The following FRMD4A variants were observed in gnomAD, a reference collection of about 807,000 sequenced individuals.
FRMD4A encodes the protein FERM domain-containing protein 4A.
In FRMD4A, 29 loss-of-function variants were observed where a neutral mutation model predicts 129.1. The ratio of observed to expected loss-of-function variants is 0.22; its 90% CI spans 0.17 to 0.31. The LOEUF is 0.31. Ranked by LOEUF, FRMD4A falls within the 10% of genes least tolerant of loss-of-function variation. FRMD4A has a pLI of 1.00. For missense variants in FRMD4A, 1,272 were observed against 1,375.8 expected (o/e 0.92, Z 1.19); for synonymous variants, 634 against 571.6 (o/e 1.11, Z -1.56).
intron 2 of FRMD4A, among the ~76,000 whole-genome samples, chr10:14,320,895 C>T (rs182637252): frequency 2.6e-5 from 4 of 152,356 alleles, no homozygotes; most frequent in East Asian, 1.9e-4. Flanking sequence ...ACTTTTCACC[C>T]TTGCCTGCTT....
At position 13,972,400 on chromosome 10, in the gene FRMD4A, C is replaced by T. The variant is rs560373082; in HGVS notation, c.46-113488G>A. 17 of 811,718 alleles carry T rather than the reference C, an allele frequency of 2.1e-5. No individual in the cohort carries two copies. The South Asian group carries it at 7.9e-4, about 38-fold the overall frequency. The allele number at this position is 811,718 out of a possible 1,614,324, so 50.3% of individuals were successfully genotyped here. A position where few individuals can be genotyped will look rare whatever the true frequency, so the allele number is the denominator to read the frequency against. On this transcript the variant is annotated intron_variant, in intron 2 of 24. Coordinates refer to ENST00000357447, the MANE Select transcript of FRMD4A (RefSeq NM_018027.5). ...TTTCTGTGGGCAATTTGTAAGAAGC[C>T]AGGCATTTTCTTTGGAAGCGTCCCA...
rs1555021803 is a variant in FRMD4A at position 14,039,399 on chromosome 10, C to CTATCTATCTATCTATCTATCT, written c.46-180488_46-180487insAGATAGATAGATAGATAGATA. ...CCATCCATCCATCCATCCATCCATC[C>CTATCTATCTATCTATCTATCT]ATCCATCCATCTATCTATCTATCTA... On this transcript the variant is annotated intron_variant, in intron 2 of 24. Transcript: ENST00000357447. Among the ~76,000 whole-genome samples the CTATCTATCTATCTATCTATCT allele has an allele frequency of 1.1e-4, 16 of 143,222 alleles. 1 individual carries two copies. The highest frequency in any genetic ancestry group is 5.9e-4 in the East Asian group (3 of 5,084). 94.0% of individuals were successfully genotyped at this position (143,222 alleles called of 152,430 possible).
chr10:14,131,367 T>A (rs2131828290), intron 2 of FRMD4A, among the ~76,000 whole-genome samples: 1 of 151,898 alleles, frequency 6.6e-6, no homozygotes, highest in African/African-American at 2.4e-5. Flanking sequence ...ACCTTCCGGC[T>A]GCTTTAGCTC....
At chr10:13,920,884 G>A (rs137886604) in intron 2 of FRMD4A, among the ~76,000 whole-genome samples, 1 of 152,114 alleles carries the variant, frequency 6.6e-6, no homozygotes, top group Admixed American at 6.6e-5. Context: ...CAATAGTAGG[G>A]TGGTAACTAA....
chr10:13,779,020 TA>T (rs1218527798), intron 6 of FRMD4A, among the ~76,000 whole-genome samples: 31 of 152,214 alleles, frequency 2.0e-4, no homozygotes, highest in African/African-American at 7.5e-4. Context: ...TTTATTTATT[TA>T]TTTAAAAAAA....
intron 6 of FRMD4A, among the ~76,000 whole-genome samples, chr10:13,777,681 T>G (rs1404561202): frequency 6.6e-6 from 1 of 151,908 alleles, no homozygotes; most frequent in East Asian, 1.9e-4. Context: ...GTCCTAGGCG[T>G]GCATGATGTT....
intron 2 of FRMD4A, among the ~76,000 whole-genome samples, chr10:13,978,166 A>G (rs2095548544): frequency 6.6e-6 from 1 of 152,154 alleles, no homozygotes; most frequent in Non-Finnish European, 1.5e-5. Flanking sequence ...GTTTCTGATT[A>G]CAGCCATCCT....
At chr10:13,831,169 C>T (rs1002473828) in intron 3 of FRMD4A, among the ~76,000 whole-genome samples, 2 of 152,196 alleles carry the variant, frequency 1.3e-5, no homozygotes, top group East Asian at 1.9e-4. Context: ...AGAGGCAGGA[C>T]GCTCACTTCT....
chr10:13,924,330 T>A (rs1227497396), intron 2 of FRMD4A, among the ~76,000 whole-genome samples: 1 of 152,148 alleles, frequency 6.6e-6, no homozygotes, highest in Non-Finnish European at 1.5e-5. Flanking sequence ...CCAAAGTGCA[T>A]GGGCCAGCCT....
intron 2 of FRMD4A, among the ~76,000 whole-genome samples, chr10:14,266,471 G>A (rs1446143037): frequency 9.2e-5 from 14 of 151,746 alleles, no homozygotes. Context: ...TTCATTTGAT[G>A]CTTAGGATCC....
At chr10:13,969,234 A>G (rs927077192) in intron 2 of FRMD4A, among the ~76,000 whole-genome samples, 3 of 152,212 alleles carry the variant, frequency 2.0e-5, no homozygotes, top group African/African-American at 7.2e-5. Flanking sequence ...GCTGCCTTCC[A>G]GACCCACCCA....
At chr10:13,784,935 G>A (rs954573019) in intron 5 of FRMD4A, among the ~76,000 whole-genome samples, 2 of 148,836 alleles carry the variant, frequency 1.3e-5, no homozygotes, top group Non-Finnish European at 1.5e-5. Flanking sequence ...AGGTTGCAGC[G>A]AGCCGAGATG....
intron 2 of FRMD4A, among the ~76,000 whole-genome samples, chr10:14,062,024 A>G (rs1235633447): frequency 1.3e-5 from 2 of 152,208 alleles, no homozygotes; most frequent in East Asian, 1.9e-4. Flanking sequence ...CAAAATGTGC[A>G]TACCCTTGGA....
intron 15 of FRMD4A, chr10:13,684,379 T>C (rs1169848601): frequency 1.0e-6 from 1 of 985,032 alleles, no homozygotes; most frequent in Admixed American, 6.2e-5. Flanking sequence ...AACTTCCCGA[T>C]GCTATGAACA....
intron 17 of FRMD4A, among the ~76,000 whole-genome samples, chr10:13,669,783 T>C (rs2083368558): frequency 1.3e-5 from 2 of 152,222 alleles, no homozygotes; most frequent in African/African-American, 4.8e-5. Context: ...TTTGTTTGTT[T>C]GTTTGTTTGT....
intron 12 of FRMD4A, among the ~76,000 whole-genome samples, chr10:13,727,229 T>C (rs1003235971): frequency 1.3e-5 from 2 of 152,150 alleles, no homozygotes; most frequent in East Asian, 3.9e-4. Context: ...CACATTTCCA[T>C]GTGATGAGGA....
chr10:13,792,873 G>A (rs1369780089), intron 5 of FRMD4A, among the ~76,000 whole-genome samples: 2 of 152,196 alleles, frequency 1.3e-5, no homozygotes, highest in African/African-American at 4.8e-5. Flanking sequence ...ACTTGCCTCA[G>A]GGCCTCTGCA....
rs372102899 is a variant in FRMD4A at position 13,743,764 on chromosome 10, A to C, written c.549-3187T>G. 3.3e-5 allele frequency among the ~76,000 whole-genome samples: 5 copies of C among 152,014 alleles called. No individual in the cohort carries two copies. The East Asian group carries it at 5.8e-4, about 18-fold the overall frequency. On this transcript the variant is annotated intron_variant, in intron 9 of 24. Transcript: ENST00000357447. Reference sequence around the variant, plus strand: ...TCCTGCTTGTTTTGCCCCCTTAAACATGGTGGGCTTATCCTGGAAGAACAG... The same window carrying C: ...TCCTGCTTGTTTTGCCCCCTTAAACCTGGTGGGCTTATCCTGGAAGAACAG...
chr10:13,898,232 G>C (rs1433535908), intron 2 of FRMD4A, among the ~76,000 whole-genome samples: 2 of 152,126 alleles, frequency 1.3e-5, no homozygotes, highest in South Asian at 2.1e-4. Context: ...AGTCAGCTGG[G>C]TGTGGTGGGG....
Sources: allele counts gnomAD v4.1 joint callset (sites outside exome capture counted in the v4.1 genomes callset), GRCh38; gene constraint gnomAD v4.1.1; transcripts MANE v1.5; gene names NCBI Gene and HGNC (gene_info 2026-07-23, HGNC 2026-07-21).